The following PREX1 variants were observed in gnomAD, a reference collection of about 807,000 sequenced individuals.
PREX1 encodes the protein phosphatidylinositol-3,4,5-trisphosphate dependent Rac exchange factor 1, also known as phosphatidylinositol 3,4,5-trisphosphate-dependent Rac exchanger 1 protein.
A neutral mutation model predicts 198.3 loss-of-function variants in PREX1; 41 were observed. The ratio of observed to expected loss-of-function variants is 0.21; its 90% CI spans 0.16 to 0.27. PREX1 has a LOEUF of 0.27. Among genes scored for constraint, PREX1 ranks in the 10% least tolerant of loss-of-function variants. The pLI is 1.00. For synonymous variants in PREX1, 843 were observed against 887.2 expected (o/e 0.95, Z 0.89); for missense variants, 1,620 against 2,200.7 (o/e 0.74, Z 5.28).
Position 48,676,278 on chromosome 20 carries a change from A to T in PREX1, c.1590-10T>A. 6.2e-7 allele frequency: 1 copy of T among 1,612,830 alleles called. No individual in the cohort carries two copies. Among genetic ancestry groups the T allele is most frequent in the Non-Finnish European group, 8.5e-7 (1 of 1,179,078 alleles). ...GTGGTAATCACGGTCTCTGTGGAGAAGGTGAGCGCACAGTGAGCAGGGCAG... is the reference window on the plus strand; with the variant it reads ...GTGGTAATCACGGTCTCTGTGGAGATGGTGAGCGCACAGTGAGCAGGGCAG... On this transcript the variant is annotated splice_polypyrimidine_tract_variant and intron_variant, in intron 13 of 39. Coordinates refer to ENST00000371941, the MANE Select transcript of PREX1 (RefSeq NM_020820.4).
chr20:48,781,310 T>C (rs2090288822), intron 1 of PREX1, among the ~76,000 whole-genome samples: 1 of 152,344 alleles, frequency 6.6e-6, no homozygotes, highest in East Asian at 1.9e-4. Flanking sequence ...TAATATAAAA[T>C]GTCAACGTAA....
chr20:48,760,364 C>T (rs971168501), intron 1 of PREX1, among the ~76,000 whole-genome samples: 4 of 151,946 alleles, frequency 2.6e-5, no homozygotes, highest in Admixed American at 6.6e-5. Context: ...TGCCTGCTTC[C>T]GAGTCTCCTG....
intron 26 of PREX1, 64 bp from the exon 27 acceptor site, chr20:48,644,561 C>A: frequency 6.9e-7 from 1 of 1,441,648 alleles, no homozygotes; most frequent in Admixed American, 1.8e-5. Context: ...TCCTGGCACC[C>A]AAAACCCACT....
intron 1 of PREX1, among the ~76,000 whole-genome samples, chr20:48,790,802 G>C (rs1312929400): frequency 6.6e-6 from 1 of 152,066 alleles, no homozygotes; most frequent in Non-Finnish European, 1.5e-5. Context: ...ACAAGCTGTG[G>C]GTTGCACCCA....
At chr20:48,686,277 C>T (rs576838097) in intron 10 of PREX1, among the ~76,000 whole-genome samples, 35 of 152,190 alleles carry the variant, frequency 2.3e-4, no homozygotes, top group African/African-American at 7.9e-4. Flanking sequence ...GATTCAGTAG[C>T]GGGACCCTGG....
In PREX1 at chr20:48,674,626, T is replaced by C. The variant is rs182193755; in HGVS notation, c.1665+1567A>G. Among the ~76,000 whole-genome samples, 1,337 of 152,306 alleles carry C rather than the reference T, an allele frequency of 8.8e-3. 26 individuals carry two copies. Among genetic ancestry groups the C allele is most frequent in the Admixed American group, 0.048 (739 of 15,296 alleles). On this transcript the variant is annotated intron_variant, in intron 14 of 39. Coordinates refer to ENST00000371941, the MANE Select transcript of PREX1 (RefSeq NM_020820.4). ...TTGCTACTATGAAGCTGTGCACCCT[T>C]GGACCAGGCACTCAGCCTCTCTGGG...
chr20:48,884,219 A>G, the PREX1 span, among the ~76,000 whole-genome samples: 1 of 152,106 alleles, frequency 6.6e-6, no homozygotes, highest in African/African-American at 2.4e-5. Context: ...TAAGCAACCC[A>G]GAACAGCCAA....
At chr20:48,728,946 C>T (rs1235353076) in intron 4 of PREX1, among the ~76,000 whole-genome samples, 2 of 152,318 alleles carry the variant, frequency 1.3e-5, no homozygotes, top group Admixed American at 1.3e-4. Flanking sequence ...TCAAAATTCA[C>T]AGAAGTGAGT....
intron 1 of PREX1, among the ~76,000 whole-genome samples, chr20:48,750,127 C>T (rs1448922338): frequency 6.6e-6 from 1 of 152,152 alleles, no homozygotes; most frequent in Non-Finnish European, 1.5e-5. Flanking sequence ...CACTAGCCGT[C>T]CTCAGCCCCT....
At chr20:48,841,424 T>G in the PREX1 span, among the ~76,000 whole-genome samples, 1 of 152,206 alleles carries the variant, frequency 6.6e-6, no homozygotes, top group Non-Finnish European at 1.5e-5. Context: ...ATAAAAACAA[T>G]GGCCCACAAG....
At chr20:48,842,055 G>A in the PREX1 span, among the ~76,000 whole-genome samples, 4 of 152,010 alleles carry the variant, frequency 2.6e-5, no homozygotes, top group East Asian at 7.7e-4. Flanking sequence ...CTGGCCTGCA[G>A]ACCTGCAAGG....
intron 1 of PREX1, among the ~76,000 whole-genome samples, chr20:48,795,205 C>T (rs1253677442): frequency 6.6e-6 from 1 of 152,078 alleles, no homozygotes; most frequent in Non-Finnish European, 1.5e-5. Flanking sequence ...CTGTACCTGG[C>T]AGAGCTGGGA....
At position 48,679,992 on chromosome 20, in the gene PREX1, C is replaced by T. The variant is rs554649749; in HGVS notation, c.1436-238G>A. ...CCCATCCTCCTGCTACGTGCAGGAC[C>T]CTGCTGAGACTCGCAGCTTGGGGTG... On this transcript the variant is annotated intron_variant, in intron 11 of 39. Transcript: ENST00000371941. Among the ~76,000 whole-genome samples the T allele has an allele frequency of 1.5e-4, 23 of 152,250 alleles. No homozygotes were observed. In the South Asian group the frequency reaches 4.8e-3, roughly 32 times the overall value.
intron 2 of PREX1, among the ~76,000 whole-genome samples, chr20:48,745,525 T>C (rs2090103671): frequency 6.6e-6 from 1 of 152,194 alleles, no homozygotes; most frequent in Admixed American, 6.5e-5. Context: ...TATGCAGACA[T>C]TCATCACAGT....
At chr20:48,874,877 C>CAA in the PREX1 span, among the ~76,000 whole-genome samples, 1 of 130,506 alleles carries the variant, frequency 7.7e-6, no homozygotes, top group African/African-American at 2.8e-5. Flanking sequence ...AACTGTGTCT[C>CAA]AAAAAAAAAA....
chr20:48,742,056 C>A (rs1194820966), intron 3 of PREX1, among the ~76,000 whole-genome samples: 1 of 152,104 alleles, frequency 6.6e-6, no homozygotes, highest in African/African-American at 2.4e-5. Context: ...AGGGGAGAAC[C>A]AATCTCCAAA....
At chr20:48,697,647 G>A (rs1185710523) in intron 7 of PREX1, among the ~76,000 whole-genome samples, 1 of 152,238 alleles carries the variant, frequency 6.6e-6, no homozygotes, top group African/African-American at 2.4e-5. Context: ...GTCTCCCAAA[G>A]TGCTGGGATT....
intron 28 of PREX1, 29 bp downstream of exon 28, chr20:48,642,378 T>G (rs2089421280): frequency 6.2e-7 from 1 of 1,608,956 alleles, no homozygotes; most frequent in Admixed American, 1.7e-5. Flanking sequence ...GAACCCAAAG[T>G]TGCGCCAGGA....
chr20:48,848,522 G>A, the PREX1 span, among the ~76,000 whole-genome samples: 1 of 152,036 alleles, frequency 6.6e-6, no homozygotes, highest in Non-Finnish European at 1.5e-5. Flanking sequence ...CTCCCAAAGT[G>A]CTAGGATTAC....
Sources: allele counts gnomAD v4.1 joint callset (sites outside exome capture counted in the v4.1 genomes callset), GRCh38; gene constraint gnomAD v4.1.1; transcripts MANE v1.5; gene names NCBI Gene and HGNC (gene_info 2026-07-23, HGNC 2026-07-21).